The following LRP1B variants were observed in gnomAD, a reference collection of about 807,000 sequenced individuals.
LRP1B encodes the protein low-density lipoprotein receptor-related protein 1B.
LRP1B carries 217 observed loss-of-function variants against 556.6 expected under a neutral mutation model. The observed-to-expected ratio is 0.39, with a 90% confidence interval of 0.35 to 0.44. LRP1B has a LOEUF of 0.44. Ranked by LOEUF, LRP1B falls within the 20% of genes least tolerant of loss-of-function variation. The probability of loss-of-function intolerance (pLI) is 1.00; values close to 1 mark genes in which losing one functional copy is unlikely to be tolerated. For missense variants in LRP1B, 5,053 were observed against 5,620.8 expected (o/e 0.90, Z 3.23); for synonymous variants, 2,047 against 1,865.8 (o/e 1.10, Z -2.50).
chr2:141,972,004 A>G (rs1220807119), intron 1 of LRP1B, among the ~76,000 whole-genome samples: 1 of 151,532 alleles, frequency 6.6e-6, no homozygotes, highest in Non-Finnish European at 1.5e-5. Context: ...ACCATAAGTA[A>G]GCAGGTTTAT....
intron 31 of LRP1B, among the ~76,000 whole-genome samples, chr2:140,836,011 T>C (rs1486208977): frequency 6.6e-6 from 1 of 152,244 alleles, no homozygotes; most frequent in African/African-American, 2.4e-5. Flanking sequence ...TATACGTATG[T>C]AAGTAGACAC....
At chr2:140,344,296 G>A (rs1681542442) in intron 77 of LRP1B, among the ~76,000 whole-genome samples, 2 of 151,728 alleles carry the variant, frequency 1.3e-5, no homozygotes, top group Admixed American at 6.6e-5. Context: ...GGAGGCTACT[G>A]AACCAATTCA....
chr2:140,317,930 TGA>T (rs1684599602), intron 82 of LRP1B, among the ~76,000 whole-genome samples: 1 of 149,350 alleles, frequency 6.7e-6, no homozygotes, highest in Non-Finnish European at 1.5e-5. Context: ...GGTTCTATAA[TGA>T]AAAAGAAAGC....
At chr2:140,868,004 T>G in intron 26 of LRP1B, 95 bp downstream of exon 26, 2 of 1,357,324 alleles carry the variant, frequency 1.5e-6, no homozygotes, top group South Asian at 1.6e-5. Context: ...TTTTAATATA[T>G]GTATACATGA....
intron 41 of LRP1B, 30 bp from the exon 42 acceptor site, chr2:140,601,669 T>G: frequency 6.8e-7 from 1 of 1,466,630 alleles, no homozygotes; most frequent in African/African-American, 1.4e-5. Flanking sequence ...AAAAAATATA[T>G]ACTTTTATTT....
chr2:140,857,155 T>C (rs552106963), intron 27 of LRP1B, among the ~76,000 whole-genome samples: 1 of 152,170 alleles, frequency 6.6e-6, no homozygotes, highest in African/African-American at 2.4e-5. Flanking sequence ...TTCCAATAAA[T>C]TCAAATAAAA....
chr2:141,005,330 C>T lies in LRP1B; in HGVS notation c.2503+5G>A. 1 of 1,609,300 alleles carries T rather than the reference C, an allele frequency of 6.2e-7. No individual in the cohort carries two copies. On this transcript the variant is annotated splice_donor_5th_base_variant and intron_variant, in intron 15 of 90. Coordinates refer to ENST00000389484, the MANE Select transcript of LRP1B (RefSeq NM_018557.3). ...ACAAATAAGGGTAACTTGAAAAGAACTTACATGTGCAAGTTGTCCCATTTT... is the reference window on the plus strand; with the variant it reads ...ACAAATAAGGGTAACTTGAAAAGAATTTACATGTGCAAGTTGTCCCATTTT...
intron 86 of LRP1B, among the ~76,000 whole-genome samples, chr2:140,252,087 AAACCCAAAAAAC>A (rs1681458272): frequency 9.0e-6 from 1 of 111,664 alleles, no homozygotes; most frequent in African/African-American, 4.1e-5. Context: ...AAAAAAAAAA[AAACCCAAAAAAC>A]AAAAAAAAAC....
At chr2:141,574,286 C>G (rs1211090060) in intron 2 of LRP1B, among the ~76,000 whole-genome samples, 2 of 152,158 alleles carry the variant, frequency 1.3e-5, no homozygotes, top group Admixed American at 1.3e-4. Flanking sequence ...AAGGCTGGTT[C>G]AACATATGCA....
At chr2:140,871,174 AT>A (rs771410852) in intron 25 of LRP1B, among the ~76,000 whole-genome samples, 8 of 152,134 alleles carry the variant, frequency 5.3e-5, no homozygotes, top group Non-Finnish European at 1.2e-4. Flanking sequence ...GAATTTCTCA[AT>A]TACTTCTGCA....
chr2:141,118,669 C>G (rs72617083), intron 7 of LRP1B, among the ~76,000 whole-genome samples: 5,972 of 151,912 alleles, frequency 0.039, 274 homozygotes, highest in East Asian at 0.16. Context: ...ACACTGTATT[C>G]TAAACATTTA....
rs575337497 is a variant in LRP1B, at chr2:140,962,318, G to A, written c.2888-10378C>T. Reference sequence around the variant, plus strand: ...ACTATCCCCCATGCAACCTTCTAGAGCAGAAACTTTGCCTTTTTCCCCTGA... The same window carrying A: ...ACTATCCCCCATGCAACCTTCTAGAACAGAAACTTTGCCTTTTTCCCCTGA... On this transcript the variant is annotated intron_variant, in intron 18 of 90. Transcript: ENST00000389484. 2.0e-5 allele frequency among the ~76,000 whole-genome samples: 3 copies of A among 152,218 alleles called. No individual in the cohort carries two copies. In the South Asian group the frequency reaches 6.2e-4, roughly 32 times the overall value.
At chr2:141,542,870 A>G (rs1171676988) in intron 2 of LRP1B, among the ~76,000 whole-genome samples, 1 of 152,142 alleles carries the variant, frequency 6.6e-6, no homozygotes, top group Non-Finnish European at 1.5e-5. Context: ...ATTGAAAATA[A>G]GAACTTACAT....
intron 3 of LRP1B, among the ~76,000 whole-genome samples, chr2:141,354,098 A>G (rs1398762192): frequency 1.3e-5 from 2 of 151,902 alleles, no homozygotes; most frequent in African/African-American, 4.8e-5. Flanking sequence ...TCAAAAACCT[A>G]CCTCTCGGGT....
chr2:141,066,022 G>A lies in LRP1B; in HGVS notation c.1014-3749C>T, dbSNP rs925657162. On this transcript the variant is annotated intron_variant, in intron 7 of 90. Transcript: ENST00000389484. The stretch of plus-strand genomic sequence containing the variant: ...CTATTTTTTGTTATGCAGCAAAAAG[G>A]GGCATTGCTGTTCTCTTGTTCTACA... Among the ~76,000 whole-genome samples the A allele has an allele frequency of 2.6e-5, 4 of 151,972 alleles. No homozygotes were observed. The South Asian group carries it at 8.3e-4, about 32-fold the overall frequency.
intron 11 of LRP1B, among the ~76,000 whole-genome samples, chr2:141,036,463 C>A (rs1346843725): frequency 1.3e-5 from 2 of 152,050 alleles, no homozygotes; most frequent in Non-Finnish European, 2.9e-5. Flanking sequence ...TCCTAAACCA[C>A]TGGGGAAGAG....
At chr2:140,247,218 T>C (rs994864938) in intron 86 of LRP1B, 56 bp from the exon 87 acceptor site, 3 of 1,219,284 alleles carry the variant, frequency 2.5e-6, no homozygotes, top group Non-Finnish European at 3.6e-6. Context: ...AGCCCAGAAG[T>C]CAGCTAATGT....
At chr2:140,462,853 A>G (rs1372977380) in intron 60 of LRP1B, among the ~76,000 whole-genome samples, 1 of 152,196 alleles carries the variant, frequency 6.6e-6, no homozygotes, top group African/African-American at 2.4e-5. Flanking sequence ...CTAAAACACC[A>G]TCTGTCTTCA....
chr2:140,601,702 G>T, intron 41 of LRP1B, 63 bp from the exon 42 acceptor site: 1 of 1,202,292 alleles, frequency 8.3e-7, no homozygotes, highest in Non-Finnish European at 1.1e-6. Context: ...CTTCTGGACA[G>T]AAAAAGCATT....
Sources: gnomAD v4.1 joint callset for allele counts (sites outside exome capture counted in the v4.1 genomes callset) on GRCh38, gnomAD v4.1.1 for gene constraint, MANE v1.5 for transcripts, NCBI Gene and HGNC (gene_info 2026-07-23, HGNC 2026-07-21) for gene names.